The following PLEKHA6 variants were observed in gnomAD, a reference collection of about 807,000 sequenced individuals.
The protein encoded by PLEKHA6 is pleckstrin homology domain-containing family A member 6.
In PLEKHA6, 60 loss-of-function variants were observed where a neutral mutation model predicts 116.7. The observed-to-expected ratio is 0.51, with a 90% CI of 0.42 to 0.64. PLEKHA6 has a LOEUF of 0.64. Among genes scored for constraint, PLEKHA6 ranks in the 30% least tolerant of loss-of-function variants. The pLI, the probability that PLEKHA6 is intolerant of heterozygous loss-of-function variation, is 0.00. For synonymous variants in PLEKHA6, 489 were observed against 556.1 expected (o/e 0.88, Z 1.70); for missense variants, 1,338 against 1,422.7 (o/e 0.94, Z 0.96).
intron 1 of PLEKHA6, among the ~76,000 whole-genome samples, chr1:204,289,077 C>T (rs1347718329): frequency 6.6e-6 from 1 of 152,122 alleles, no homozygotes; most frequent in South Asian, 2.1e-4. Context: ...TGCAAATGAG[C>T]AGCGCCGGGC....
chr1:204,262,417 A>G (rs1418588421), intron 6 of PLEKHA6, among the ~76,000 whole-genome samples: 1 of 152,216 alleles, frequency 6.6e-6, no homozygotes, highest in Non-Finnish European at 1.5e-5. Flanking sequence ...TTAGGCCACA[A>G]GGAAAAGAGG....
intron 14 of PLEKHA6, 45 bp downstream of exon 14, chr1:204,245,570 C>T (rs1558051260): frequency 8.5e-7 from 1 of 1,172,678 alleles, no homozygotes; most frequent in South Asian, 1.2e-5. Flanking sequence ...TGGAGCACTC[C>T]TGGTGAGGCA....
Position 204,346,984 on chromosome 1 carries a change from C to T in PLEKHA6, c.-95+12710G>A, listed in dbSNP as rs557410199. On this transcript the variant is annotated intron_variant, in intron 1 of 22. Transcript: ENST00000272203. ...CTTAGAGTGCTTAATGTGCTCAATA[C>T]GCACATTAATTCTCTTGGCAAGAAT... 9.2e-5 allele frequency: 115 copies of T among 1,255,092 alleles called. No individual in the cohort carries two copies. The Middle Eastern group carries it at 2.1e-3, about 23-fold the overall frequency. 77.7% of individuals were successfully genotyped at this position (1,255,092 alleles called of 1,614,324 possible).
At chr1:204,239,530 A>G (rs1662510123) in intron 17 of PLEKHA6, among the ~76,000 whole-genome samples, 1 of 152,112 alleles carries the variant, frequency 6.6e-6, no homozygotes, top group Non-Finnish European at 1.5e-5. Context: ...GGACTCACGG[A>G]ATGCCTTATC....
At chr1:204,306,892 G>A (rs1044007932) in intron 1 of PLEKHA6, among the ~76,000 whole-genome samples, 1 of 151,926 alleles carries the variant, frequency 6.6e-6, no homozygotes, top group Admixed American at 6.6e-5. Context: ...TTACCCTAGG[G>A]GCATCAGTCC....
At chr1:204,250,910 T>C (rs1451330925) in intron 9 of PLEKHA6, among the ~76,000 whole-genome samples, 1 of 152,206 alleles carries the variant, frequency 6.6e-6, no homozygotes, top group African/African-American at 2.4e-5. Context: ...TAAGAGCGAC[T>C]GCAGGGTGTG....
chr1:204,311,656 C>A, intron 1 of PLEKHA6: 1 of 974,762 alleles, frequency 1.0e-6, no homozygotes, highest in Non-Finnish European at 1.2e-6. Flanking sequence ...TTTTTAAACA[C>A]AAAATCATCA....
chr1:204,268,622 TCA>T (rs1667107100), intron 3 of PLEKHA6, among the ~76,000 whole-genome samples: 1 of 151,046 alleles, frequency 6.6e-6, no homozygotes, highest in African/African-American at 2.4e-5. Flanking sequence ...ATTTCCAATT[TCA>T]CTCTGGCCTA....
chr1:204,273,681 T>A lies in PLEKHA6; in HGVS notation c.47A>T (p.Asp16Val). ...GGACACCATGTTGTGGTTGGGTATG[T>A]CACTGTTGGTGGTAGCCGGGCGTTT... ...GGKRPATTNS[D>V]IPNHNMVSEV... Residue 16 changes from aspartate (D) to valine (V), a missense_variant, in exon 3 of 23, where the codon GAC (aspartate) becomes GTC (valine). Physicochemically the swap from Asp to Val is radical, Grantham distance 152 (BLOSUM62 -3). Coordinates refer to ENST00000272203, the MANE Select transcript of PLEKHA6 (RefSeq NM_014935.5). The A allele has an allele frequency of 6.2e-7, 1 of 1,614,210 alleles. No homozygotes were observed. The highest frequency in any genetic ancestry group is 1.1e-5 in the South Asian group (1 of 91,080).
chr1:204,228,057 G>T lies in PLEKHA6; in HGVS notation c.3031+26C>A, dbSNP rs1320995065. 1.2e-6 allele frequency: 2 copies of T among 1,607,120 alleles called. No individual in the cohort carries two copies. The highest frequency in any genetic ancestry group is 1.3e-5 in the African/African-American group (1 of 74,792). On this transcript the variant is annotated intron_variant, in intron 21 of 22. Transcript: ENST00000272203. This position sits in a 1 kb window ranked among gnomAD's most constrained non-coding sequence, Gnocchi z 4.0. Reference sequence around the variant, plus strand: ...CTGGTCAGCTGGTTTCCCTGGCAGGGTGGAGCGAGGCCCAGCCCCTCTCAC... The same window carrying T: ...CTGGTCAGCTGGTTTCCCTGGCAGGTTGGAGCGAGGCCCAGCCCCTCTCAC...
rs143334342 is a variant in PLEKHA6, at chr1:204,288,791, T to C, written c.-94-13982A>G. 3.4e-3 allele frequency among the ~76,000 whole-genome samples: 524 copies of C among 152,310 alleles called. 2 individuals carry two copies. The highest frequency in any genetic ancestry group is 7.6e-3 in the Admixed American group (116 of 15,302). On this transcript the variant is annotated intron_variant, in intron 1 of 22. Coordinates refer to ENST00000272203, the MANE Select transcript of PLEKHA6 (RefSeq NM_014935.5). The stretch of plus-strand genomic sequence containing the variant: ...TGTCTCTCTGCGCCACTCAGAAGTT[T>C]GGAGAGCAGCACTAGGAATTGTAAT...
intron 9 of PLEKHA6, among the ~76,000 whole-genome samples, chr1:204,253,874 A>G (rs1664915380): frequency 6.6e-6 from 1 of 152,152 alleles, no homozygotes; most frequent in South Asian, 2.1e-4. Context: ...AAACAAACAA[A>G]CAAAAAGGAA....
intron 9 of PLEKHA6, chr1:204,256,759 T>C: frequency 1.8e-6 from 1 of 556,046 alleles, no homozygotes; most frequent in Non-Finnish European, 3.2e-6. Context: ...TGGAGCACGG[T>C]GCGGGGAGGC....
intron 13 of PLEKHA6, among the ~76,000 whole-genome samples, 185 bp from the exon 14 acceptor site, chr1:204,245,911 G>T (rs915655017): frequency 1.3e-5 from 2 of 152,012 alleles, no homozygotes; most frequent in Admixed American, 6.6e-5. Flanking sequence ...CCCATGGGCT[G>T]CCTCTGCTCT....
intron 21 of PLEKHA6, among the ~76,000 whole-genome samples, chr1:204,224,596 A>C (rs1329175923): frequency 6.6e-6 from 1 of 152,196 alleles, no homozygotes; most frequent in Non-Finnish European, 1.5e-5. Flanking sequence ...CTACATGTGC[A>C]TAGAACACAT....
At chr1:204,308,288 T>A (rs891940857) in intron 1 of PLEKHA6, among the ~76,000 whole-genome samples, 1 of 152,212 alleles carries the variant, frequency 6.6e-6, no homozygotes, top group African/African-American at 2.4e-5. Flanking sequence ...GGCTGGGCAG[T>A]GGCTCATGCC....
intron 5 of PLEKHA6, 66 bp from the exon 6 acceptor site, chr1:204,265,108 G>T: frequency 9.5e-7 from 1 of 1,057,172 alleles, no homozygotes; most frequent in Non-Finnish European, 1.5e-6. Flanking sequence ...TGCGCCAGGG[G>T]TGGGGAGGAG....
intron 1 of PLEKHA6, among the ~76,000 whole-genome samples, chr1:204,306,351 A>T (rs1572150596): frequency 6.6e-6 from 1 of 152,142 alleles, no homozygotes; most frequent in East Asian, 1.9e-4. Context: ...TGCCACCAAG[A>T]AACACCACAC....
chr1:204,250,447 C>A (rs1664385306), intron 10 of PLEKHA6, 99 bp downstream of exon 10: 2 of 807,842 alleles, frequency 2.5e-6, no homozygotes, highest in Non-Finnish European at 4.3e-6. Flanking sequence ...GAGAGACAGC[C>A]CCCGCAGAGG....
Sources: gnomAD v4.1 joint callset for allele counts (sites outside exome capture counted in the v4.1 genomes callset) on GRCh38, gnomAD v4.1.1 for gene constraint, Gnocchi (gnomAD v3.1) non-coding constraint, MANE v1.5 for transcripts, NCBI Gene and HGNC (gene_info 2026-07-23, HGNC 2026-07-21) for gene names.